LRR1: variants seen among roughly 807,000 people sequenced by gnomAD.
LRR1 encodes leucine-rich repeat protein 1.
Under a neutral mutation model 31.6 loss-of-function variants are expected in LRR1, and 29 were observed. That is an observed-to-expected ratio of 0.92 (90% CI 0.68 to 1.25). LRR1 has a LOEUF of 1.25. LRR1 is among the 50% of genes most tolerant of loss of function. LRR1 has a pLI of 0.00. For missense variants in LRR1, 485 were observed against 487.2 expected, an observed-to-expected ratio of 1.00 and a Z score of 0.04; for synonymous variants, 179 against 181.4, an observed-to-expected ratio of 0.99 and a Z score of 0.10.
At chr14:49,603,710 A>ATTTTTT (rs1566493069) in intron 2 of LRR1, 8,981 of 132,570 alleles carry the variant, frequency 0.068, 2,867 homozygotes, top group Admixed American at 0.13. Context: ...TTTTTTTTTA[A>ATTTTTT]TGAGACAGAG....
intron 2 of LRR1, chr14:49,603,683 T>TA: frequency 3.0e-5 from 19 of 638,910 alleles, no homozygotes; most frequent in Admixed American, 1.6e-4. Context: ...AATCATTCCT[T>TA]TTTTTTTTTT....
intron 3 of LRR1, among the ~76,000 whole-genome samples, chr14:49,610,411 G>A (rs529377267): frequency 7.2e-4 from 109 of 151,444 alleles, no homozygotes; most frequent in African/African-American, 2.4e-3. Context: ...CCGCCACCAC[G>A]GCTGGCTATT....
At chr14:49,601,154 C>G in intron 1 of LRR1, 2 of 1,599,434 alleles carry the variant, frequency 1.3e-6, no homozygotes, top group Non-Finnish European at 1.7e-6. Flanking sequence ...CAAAAAAGAA[C>G]AAATGTTTTA....
intron 3 of LRR1, among the ~76,000 whole-genome samples, chr14:49,612,813 G>A (rs1183562753): frequency 6.6e-6 from 1 of 152,152 alleles, no homozygotes; most frequent in Non-Finnish European, 1.5e-5. Flanking sequence ...GGGAGGCAAA[G>A]TGGCTGGAGC....
chr14:49,603,235 G>C (rs1486126644), intron 2 of LRR1, among the ~76,000 whole-genome samples: 1 of 152,012 alleles, frequency 6.6e-6, no homozygotes, highest in Non-Finnish European at 1.5e-5. Context: ...TTTTTGAAGA[G>C]GCAATGGCAC....
chr14:49,612,546 C>CTTTT, intron 3 of LRR1: 5 of 1,218,120 alleles, frequency 4.1e-6, no homozygotes, highest in Non-Finnish European at 5.2e-6. Context: ...AAAATGGTTA[C>CTTTT]TTAAGCAACA....
chr14:49,599,711 G>T (rs1379229906), intron 1 of LRR1, among the ~76,000 whole-genome samples: 1 of 150,674 alleles, frequency 6.6e-6, no homozygotes, highest in Non-Finnish European at 1.5e-5. Flanking sequence ...GGGAGGCCGG[G>T]ACGGGGAGAG....
chr14:49,604,892 C>T (rs1436542407), intron 2 of LRR1, among the ~76,000 whole-genome samples: 1 of 151,812 alleles, frequency 6.6e-6, no homozygotes, highest in African/African-American at 2.4e-5. Flanking sequence ...CGTTGTTCAA[C>T]CTTGCTTTTT....
chr14:49,604,815 G>GT (rs772019966), intron 2 of LRR1, among the ~76,000 whole-genome samples: 93 of 116,758 alleles, frequency 8.0e-4, no homozygotes, highest in Non-Finnish European at 1.5e-3. Flanking sequence ...AAAACTGGTG[G>GT]TTTTTTTCTG....
intron 1 of LRR1, among the ~76,000 whole-genome samples, chr14:49,601,330 T>C (rs1041084926): frequency 6.6e-6 from 1 of 152,198 alleles, no homozygotes; most frequent in Non-Finnish European, 1.5e-5. Context: ...ACTCTTTAAG[T>C]GTAGTTACCC....
chr14:49,608,225 A>T, intron 3 of LRR1, 104 bp downstream of exon 3: 14 of 1,163,796 alleles, frequency 1.2e-5, no homozygotes, highest in African/African-American at 1.5e-5. Flanking sequence ...TGCTATGCAC[A>T]GTCTGACCCT....
intron 2 of LRR1, 98 bp downstream of exon 2, chr14:49,602,566 G>A (rs767919055): frequency 2.2e-6 from 2 of 923,248 alleles, no homozygotes; most frequent in Non-Finnish European, 3.4e-6. Flanking sequence ...AAGTACAGAG[G>A]CATAGTCATA....
Position 49,609,230 on chromosome 14 carries a change from T to TTTTTTTTTTTTC in LRR1, c.1004+1120_1004+1121insCTTTTTTTTTTT, listed in dbSNP as rs1594590263. Among the ~76,000 whole-genome samples the TTTTTTTTTTTTC allele has an allele frequency of 5.4e-4, 56 of 104,374 alleles. 7 individuals carry two copies. The highest frequency in any genetic ancestry group is 1.8e-3 in the African/African-American group (48 of 26,208). The allele number at this position is 104,374 out of a possible 152,430, so 68.5% of individuals were successfully genotyped here. On this transcript the variant is annotated intron_variant, in intron 3 of 3. Coordinates refer to ENST00000298288, the MANE Select transcript of LRR1 (RefSeq NM_152329.4). ...CCACACCTGGCCCTTTTTTTTTTTT[T>TTTTTTTTTTTTC]TTTTTTTTTTTTTGAGACAGGGTCT... is the stretch of plus-strand genomic sequence containing the variant.
At chr14:49,611,331 C>T (rs999843686) in intron 3 of LRR1, among the ~76,000 whole-genome samples, 3 of 151,860 alleles carry the variant, frequency 2.0e-5, no homozygotes, top group Non-Finnish European at 2.9e-5. Flanking sequence ...AAAAATTAGC[C>T]GGGCATGGTG....
chr14:49,611,859 GGTT>G (rs1882524050), intron 3 of LRR1, among the ~76,000 whole-genome samples: 1 of 151,440 alleles, frequency 6.6e-6, no homozygotes, highest in African/African-American at 2.4e-5. Context: ...GGGAGGTTGA[GGTT>G]GTAGTGAGCT....
Position 49,607,872 on chromosome 14 carries a change from A to G in LRR1, c.755A>G (p.Lys252Arg). The change falls in exon 3 of 4, where the codon AAG becomes AGG. Residue 252 changes from lysine to arginine, a missense_variant. By Grantham distance (26) the Lys-to-Arg change is conservative (BLOSUM62 2). Around this residue, in one of 3 missense-constraint regions of LRR1, gnomAD observed 210 missense variants for 200.4 expected, o/e 1.05. Coordinates refer to ENST00000298288, the MANE Select transcript of LRR1 (RefSeq NM_152329.4). ...CAGTTTTGCCAGCTCCAGGAACTTA[A>G]GAATTTAAAACTTGACGATAATGAA... ...PVQFCQLQELKNLKLDDNELI... is the reference protein window; with the variant it reads ...PVQFCQLQELRNLKLDDNELI... 6.2e-7 allele frequency: 1 copy of G among 1,613,412 alleles called. No individual in the cohort carries two copies. The highest frequency in any genetic ancestry group is 8.5e-7 in the Non-Finnish European group (1 of 1,179,586).
Position 49,600,235 on chromosome 14 carries a change from C to G in LRR1, c.183+1032C>G. The G allele has an allele frequency of 3.4e-6, 5 of 1,485,772 alleles. 1 individual carries two copies. In the Middle Eastern group the frequency reaches 6.9e-4, roughly 205 times the overall value. The allele number at this position is 1,485,772 out of a possible 1,614,324, so 92.0% of individuals were successfully genotyped here. A position where few individuals can be genotyped will look rare whatever the true frequency, so the allele number is the denominator to read the frequency against. ...CTGAGGCCTTTATCTTACCCAATGA[C>G]CGACGTCTTCCTTATATGCTTCTCG... On this transcript the variant is annotated intron_variant, in intron 1 of 3. Coordinates refer to ENST00000298288, the MANE Select transcript of LRR1 (RefSeq NM_152329.4).
intron 3 of LRR1, among the ~76,000 whole-genome samples, chr14:49,611,471 G>A (rs1014074495): frequency 2.6e-5 from 4 of 152,036 alleles, no homozygotes; most frequent in African/African-American, 7.2e-5. Flanking sequence ...TTGAGACTCC[G>A]TCTCAATCAG....
In LRR1 at chr14:49,614,276, TCATTC is replaced by T; in HGVS notation, c.1034_1038del (p.Phe345SerfsTer42). ...AATAGGATTCCATATGGCTCTCATA[TCATTC>T]CATTCCATCTCTGCCAAGATTTGGA... On this transcript the variant is annotated frameshift_variant, in exon 4 of 4. Transcript: ENST00000298288. LOFTEE classifies it high-confidence loss of function. 6.2e-7 allele frequency: 1 copy of T among 1,613,236 alleles called. No homozygotes were observed. The highest frequency in any genetic ancestry group is 1.1e-5 in the South Asian group (1 of 91,072).
Sources: gnomAD v4.1 joint callset for allele counts (sites outside exome capture counted in the v4.1 genomes callset) on GRCh38, gnomAD v4.1.1 for gene constraint, gnomAD v4.1.1 regional missense constraint, MANE v1.5 for transcripts, NCBI Gene and HGNC (gene_info 2026-07-23, HGNC 2026-07-21) for gene names.